KIAA1217: variants seen among roughly 807,000 people sequenced by gnomAD.
KIAA1217 encodes KIAA1217, also known as sickle tail protein homolog.
Under a neutral mutation model 163.9 loss-of-function variants are expected in KIAA1217, and 88 were observed. That is an observed-to-expected ratio of 0.54 (90% CI 0.45 to 0.64). The LOEUF (loss-of-function observed/expected upper bound fraction) is 0.64, where lower values mean the gene tolerates loss of function less well. Among genes scored for constraint, KIAA1217 ranks in the 30% least tolerant of loss-of-function variants. The probability of loss-of-function intolerance (pLI) is 0.00; values close to 1 mark genes in which losing one functional copy is unlikely to be tolerated. For synonymous variants in KIAA1217, 903 were observed against 923.1 expected (o/e 0.98, Z 0.39); for missense variants, 2,372 against 2,475.0 (o/e 0.96, Z 0.88).
At chr10:24,177,299 T>A (rs7094487) in intron 2 of KIAA1217, among the ~76,000 whole-genome samples, 2,422 of 46,240 alleles carry the variant, frequency 0.052, 163 homozygotes, top group East Asian at 0.064. Context: ...ATATATATAT[T>A]ACAATTTCTT....
chr10:23,856,127 C>T (rs1434738517), intron 1 of KIAA1217, among the ~76,000 whole-genome samples: 2 of 152,078 alleles, frequency 1.3e-5, no homozygotes, highest in South Asian at 2.1e-4. Context: ...CTGTTTTTTC[C>T]CCATCTATGT....
chr10:23,807,550 T>A (rs1203254616), intron 1 of KIAA1217, among the ~76,000 whole-genome samples: 3 of 152,178 alleles, frequency 2.0e-5, no homozygotes, highest in African/African-American at 7.2e-5. Context: ...AACAGTCAGA[T>A]GGAGAGATCG....
chr10:24,514,506 T>C (rs1287279277), intron 10 of KIAA1217, among the ~76,000 whole-genome samples: 2 of 152,166 alleles, frequency 1.3e-5, no homozygotes, highest in Non-Finnish European at 2.9e-5. Flanking sequence ...CTTTTCCTAA[T>C]AAATTAAATT....
intron 1 of KIAA1217, among the ~76,000 whole-genome samples, chr10:23,911,951 T>A (rs983206171): frequency 6.6e-6 from 1 of 152,136 alleles, no homozygotes; most frequent in Non-Finnish European, 1.5e-5. Context: ...AATCATACCC[T>A]CCACTACAGG....
intron 2 of KIAA1217, chr10:24,158,216 C>G: frequency 1.4e-6 from 1 of 734,614 alleles, no homozygotes; most frequent in Admixed American, 1.7e-5. Flanking sequence ...ACATCTACTC[C>G]TGGAACAGGG....
At chr10:24,158,070 C>T (rs747002414) in intron 2 of KIAA1217, 1 of 755,282 alleles carries the variant, frequency 1.3e-6, no homozygotes, top group East Asian at 2.5e-5. Flanking sequence ...GTTTTACTAG[C>T]TCATAAAGAT....
At position 24,203,076 on chromosome 10, in the gene KIAA1217, G is replaced by C. The variant is rs1473761030; in HGVS notation, c.-170-16550G>C. On this transcript the variant is annotated intron_variant, in intron 2 of 18. Coordinates refer to the KIAA1217 transcript ENST00000376462. Reference sequence around the variant, plus strand: ...ATGGTGGAGTGTGCCTGTAGTCCCAGCTACTTGGGAGGCTGAGGGTAGAGG... The same window carrying C: ...ATGGTGGAGTGTGCCTGTAGTCCCACCTACTTGGGAGGCTGAGGGTAGAGG... Among the ~76,000 whole-genome samples the C allele has an allele frequency of 4.0e-5, 6 of 151,824 alleles. No homozygotes were observed. The East Asian group carries it at 1.2e-3, about 30-fold the overall frequency.
At chr10:24,115,855 A>G (rs555838553) in intron 2 of KIAA1217, among the ~76,000 whole-genome samples, 2 of 152,336 alleles carry the variant, frequency 1.3e-5, no homozygotes, top group South Asian at 4.1e-4. Flanking sequence ...AAATCAGAGT[A>G]CAGTCATCTT....
intron 1 of KIAA1217, among the ~76,000 whole-genome samples, chr10:23,982,349 A>G (rs1328145755): frequency 6.6e-6 from 1 of 152,010 alleles, no homozygotes; most frequent in Non-Finnish European, 1.5e-5. Flanking sequence ...GCTCTTCACT[A>G]AACACTGTGT....
intron 1 of KIAA1217, among the ~76,000 whole-genome samples, chr10:23,805,808 G>C (rs1049129053): frequency 3.3e-5 from 5 of 151,894 alleles, no homozygotes; most frequent in African/African-American, 1.2e-4. Flanking sequence ...GAGGTCAGGA[G>C]TTTGAGATCA....
upstream of KIAA1217, among the ~76,000 whole-genome samples, chr10:24,204,394 C>A (rs1442650866): frequency 6.6e-6 from 1 of 152,164 alleles, no homozygotes; most frequent in Non-Finnish European, 1.5e-5. Flanking sequence ...ACTATGGAAT[C>A]TGCGAAATTG....
chr10:24,507,500 G>GA lies in KIAA1217; in HGVS notation c.2002-5754dup, dbSNP rs546637401. On this transcript the variant is annotated intron_variant, in intron 9 of 20. Coordinates refer to ENST00000376454, the MANE Select transcript of KIAA1217 (RefSeq NM_019590.5). Reference sequence around the variant, plus strand: ...TATCCAAGTGGAGCTTTCAAGAGCTGAAAAACAATATCCAAATGTGCTTAA... The same window carrying GA: ...TATCCAAGTGGAGCTTTCAAGAGCTGAAAAAACAATATCCAAATGTGCTTAA... 4.3e-3 allele frequency among the ~76,000 whole-genome samples: 649 copies of GA among 152,278 alleles called. 3 individuals carry two copies. Among genetic ancestry groups the GA allele is most frequent in the Middle Eastern group, 0.01 (3 of 294 alleles).
At chr10:23,807,698 A>C (rs1008574229) in intron 1 of KIAA1217, among the ~76,000 whole-genome samples, 3 of 152,238 alleles carry the variant, frequency 2.0e-5, no homozygotes, top group Admixed American at 2.0e-4. Context: ...CAGCCACATC[A>C]AAAAAGTATA....
chr10:24,371,006 G>T (rs967154847), intron 2 of KIAA1217, among the ~76,000 whole-genome samples: 1 of 152,240 alleles, frequency 6.6e-6, no homozygotes, highest in African/African-American at 2.4e-5. Flanking sequence ...ACTTACCGAT[G>T]ATCTAATTTT....
At chr10:24,502,735 G>A (rs1004436035) in intron 9 of KIAA1217, among the ~76,000 whole-genome samples, 1 of 152,208 alleles carries the variant, frequency 6.6e-6, no homozygotes, top group Admixed American at 6.5e-5. Context: ...GCTCATGCCT[G>A]TAATCCCAGC....
intron 1 of KIAA1217, among the ~76,000 whole-genome samples, chr10:23,980,826 A>G (rs1378665751): frequency 6.6e-6 from 1 of 152,102 alleles, no homozygotes; most frequent in Non-Finnish European, 1.5e-5. Context: ...CCCATGTCTA[A>G]TATCTGTTAA....
chr10:24,514,085 TC>T (rs1407683187), intron 10 of KIAA1217, among the ~76,000 whole-genome samples: 1 of 152,206 alleles, frequency 6.6e-6, no homozygotes, highest in East Asian at 1.9e-4. Context: ...AAAGCATCTA[TC>T]AAGTCCTACT....
rs188512672 is a variant in KIAA1217 at position 24,430,858 on chromosome 10, C to A, written c.554-2137C>A. On this transcript the variant is annotated intron_variant, in intron 3 of 20. Transcript: ENST00000376454. ...TCGCTCAGCCATGGCTCACTTCCTG[C>A]TATGTGGCCCAGTTCCTAACAAGCC... Among the ~76,000 whole-genome samples the A allele has an allele frequency of 5.6e-4, 86 of 152,344 alleles. 1 individual carries two copies. Among genetic ancestry groups the A allele is most frequent in the African/African-American group, 2.0e-3 (82 of 41,590 alleles).
intron 1 of KIAA1217, among the ~76,000 whole-genome samples, chr10:23,926,669 G>C (rs1222430606): frequency 3.3e-5 from 5 of 151,922 alleles, no homozygotes. Flanking sequence ...AGGTTGCAGT[G>C]AGCTGAGATC....
Sources: allele counts gnomAD v4.1 joint callset (sites outside exome capture counted in the v4.1 genomes callset), GRCh38; gene constraint gnomAD v4.1.1; transcripts MANE v1.5; gene names NCBI Gene and HGNC (gene_info 2026-07-23, HGNC 2026-07-21).